ENPP6: variants seen among roughly 807,000 people sequenced by gnomAD.
ENPP6 encodes the protein glycerophosphocholine cholinephosphodiesterase ENPP6.
ENPP6 carries 32 observed loss-of-function variants against 42.0 expected under a neutral mutation model. The observed-to-expected ratio is 0.76, with a 90% CI of 0.58 to 1.02. The LOEUF (loss-of-function observed/expected upper bound fraction) is 1.02. ENPP6 is among the 50% of genes least tolerant of loss of function. The pLI is 0.00. For missense variants in ENPP6, 552 were observed against 566.8 expected (o/e 0.97, Z 0.27); for synonymous variants, 213 against 216.0 (o/e 0.99, Z 0.12).
At chr4:184,163,866 G>A (rs190797212) in intron 1 of ENPP6, among the ~76,000 whole-genome samples, 13 of 152,350 alleles carry the variant, frequency 8.5e-5, no homozygotes, top group Admixed American at 2.6e-4. Context: ...TAGTCAAAAC[G>A]TGGGGATATA....
At chr4:184,209,229 G>A (rs1276709850) in intron 1 of ENPP6, among the ~76,000 whole-genome samples, 3 of 151,502 alleles carry the variant, frequency 2.0e-5, no homozygotes, top group African/African-American at 7.3e-5. Context: ...GAACAAAGCT[G>A]GATGGAGAAT....
intron 6 of ENPP6, 27 bp from the exon 7 acceptor site, chr4:184,097,395 A>G: frequency 6.2e-7 from 1 of 1,613,120 alleles, no homozygotes; most frequent in Non-Finnish European, 8.5e-7. Context: ...CAGACACATG[A>G]CACTACGTCC....
intron 1 of ENPP6, among the ~76,000 whole-genome samples, chr4:184,173,668 A>G (rs1325606747): frequency 2.6e-5 from 4 of 152,182 alleles, no homozygotes; most frequent in Non-Finnish European, 5.9e-5. Context: ...TCACTGTGGG[A>G]ATCTTACTTT....
rs1736323419 is a variant in ENPP6, at chr4:184,116,886, G to A, written c.825C>T (p.Ser275=). The A allele has an allele frequency of 6.2e-7, 1 of 1,613,968 alleles. No individual in the cohort carries two copies. Among genetic ancestry groups the A allele is most frequent in the Non-Finnish European group, 8.5e-7 (1 of 1,180,028 alleles). The change falls in exon 5 of 8, where the codon AGC becomes AGT. Residue 275 remains serine, a synonymous_variant. Transcript: ENST00000296741. ...QQVKDRGPVV[S]LWPAPGKHSE... ...AGTGTTTCCCAGGGGCCGGCCAAAG[G>A]CTCACAACAGGCCCGCGGTCCTTCA...
chr4:184,166,506 G>A (rs1410731985), intron 1 of ENPP6, among the ~76,000 whole-genome samples: 3 of 152,194 alleles, frequency 2.0e-5, no homozygotes, highest in Non-Finnish European at 2.9e-5. Context: ...ACAAAAATGT[G>A]AGCCCTGAAG....
At chr4:184,160,793 A>T (rs1458252412) in intron 1 of ENPP6, among the ~76,000 whole-genome samples, 2 of 152,148 alleles carry the variant, frequency 1.3e-5, no homozygotes, top group Admixed American at 6.6e-5. Context: ...AACTGCAGGC[A>T]TCTCTACCTC....
intron 5 of ENPP6, among the ~76,000 whole-genome samples, chr4:184,113,190 T>A (rs138796243): frequency 6.6e-6 from 1 of 152,288 alleles, no homozygotes; most frequent in Non-Finnish European, 1.5e-5. Flanking sequence ...TCTACAGCAC[T>A]GAAGATGAAT....
chr4:184,103,220 G>T (rs1736034703), intron 6 of ENPP6, among the ~76,000 whole-genome samples: 1 of 152,240 alleles, frequency 6.6e-6, no homozygotes, highest in Non-Finnish European at 1.5e-5. Context: ...TGGGATGCTG[G>T]TTGTTACACA....
intron 1 of ENPP6, among the ~76,000 whole-genome samples, chr4:184,216,342 C>T (rs370493019): frequency 6.6e-6 from 1 of 152,178 alleles, no homozygotes; most frequent in Non-Finnish European, 1.5e-5. Flanking sequence ...AACTTCCTTG[C>T]TTGTGTGCAG....
At chr4:184,153,900 G>T (rs777084664) in intron 1 of ENPP6, among the ~76,000 whole-genome samples, 167 bp from the exon 2 acceptor site, 28 of 151,598 alleles carry the variant, frequency 1.8e-4, no homozygotes, top group Non-Finnish European at 2.9e-4. Context: ...CTTAAGCTGT[G>T]CCATGAAGGT....
At chr4:184,146,394 C>T (rs1377703458) in intron 2 of ENPP6, among the ~76,000 whole-genome samples, 2 of 149,904 alleles carry the variant, frequency 1.3e-5, no homozygotes, top group Non-Finnish European at 3.0e-5. Flanking sequence ...TGCGCCACTG[C>T]ACTCCAGCCT....
chr4:184,107,697 C>G (rs190365757), intron 6 of ENPP6, among the ~76,000 whole-genome samples: 3 of 152,298 alleles, frequency 2.0e-5, no homozygotes, highest in African/African-American at 7.2e-5. Flanking sequence ...GGGCGGATCA[C>G]GAGGTCAGGA....
At chr4:184,094,928 G>A (rs1000095011) in intron 7 of ENPP6, among the ~76,000 whole-genome samples, 1 of 152,206 alleles carries the variant, frequency 6.6e-6, no homozygotes, top group South Asian at 2.1e-4. Context: ...GCTGCATCTG[G>A]GCAGCCGCAA....
intron 7 of ENPP6, among the ~76,000 whole-genome samples, chr4:184,091,607 T>C (rs1390992187): frequency 1.3e-5 from 2 of 152,026 alleles, no homozygotes; most frequent in Non-Finnish European, 2.9e-5. Flanking sequence ...ATGAATTTCT[T>C]TAAAAGACAA....
intron 2 of ENPP6, among the ~76,000 whole-genome samples, chr4:184,131,615 T>C (rs1026931243): frequency 6.6e-6 from 1 of 151,682 alleles, no homozygotes; most frequent in African/African-American, 2.4e-5. Context: ...CCACCTGCCT[T>C]GGCCTCCCAA....
chr4:184,150,989 A>T (rs1737014648), intron 2 of ENPP6, among the ~76,000 whole-genome samples: 1 of 152,188 alleles, frequency 6.6e-6, no homozygotes, highest in African/African-American at 2.4e-5. Context: ...TTTTCATGCA[A>T]ATTAGCTTTC....
Position 184,112,793 on chromosome 4 carries a change from C to T in ENPP6, c.872G>A (p.Ser291Asn). The T allele has an allele frequency of 6.2e-7, 1 of 1,613,490 alleles. No homozygotes were observed. The highest frequency in any genetic ancestry group is 1.3e-5 in the African/African-American group (1 of 74,998). ...GTAGACAGTCATGTGTTCCACTGTG[C>T]TCAGTTTGTTATATATCTGCAAAGA... ...GKHSEIYNKL[S>N]TVEHMTVYEK... is the part of the protein sequence containing the mutation. Residue 291 changes from serine to asparagine, a missense_variant, in exon 6 of 8, where the codon AGC becomes AAC. Coordinates refer to ENST00000296741, the MANE Select transcript of ENPP6 (RefSeq NM_153343.4).
intron 2 of ENPP6, among the ~76,000 whole-genome samples, chr4:184,133,009 G>C (rs1736666037): frequency 6.6e-6 from 1 of 151,934 alleles, no homozygotes; most frequent in South Asian, 2.1e-4. Context: ...AACTATTCTT[G>C]TGGAAATACA....
At chr4:184,094,378 C>T (rs1005165685) in intron 7 of ENPP6, among the ~76,000 whole-genome samples, 8 of 152,234 alleles carry the variant, frequency 5.3e-5, no homozygotes, top group Non-Finnish European at 8.8e-5. Flanking sequence ...TCTTTTTACA[C>T]TGGAAATATG....
Sources: gnomAD v4.1 joint callset for allele counts (sites outside exome capture counted in the v4.1 genomes callset) on GRCh38, gnomAD v4.1.1 for gene constraint, MANE v1.5 for transcripts, NCBI Gene and HGNC (gene_info 2026-07-23, HGNC 2026-07-21) for gene names.